The following LILRB4 variants were observed in gnomAD, a reference collection of about 807,000 sequenced individuals.
LILRB4 encodes leukocyte immunoglobulin like receptor B4, also known as leukocyte immunoglobulin-like receptor subfamily B member 4.
A neutral mutation model predicts 55.2 loss-of-function variants in LILRB4; 49 were observed. That is an observed-to-expected ratio of 0.89 (90% confidence interval 0.71 to 1.13). The LOEUF (loss-of-function observed/expected upper bound fraction) is 1.13. LILRB4 is among the 50% of genes most tolerant of loss of function. The probability of loss-of-function intolerance (pLI) is 0.00; values close to 1 mark genes in which losing one functional copy is unlikely to be tolerated. For missense variants in LILRB4, 590 were observed against 555.2 expected, an observed-to-expected ratio of 1.06 and a Z score of -0.63; for synonymous variants, 229 against 213.8, an observed-to-expected ratio of 1.07 and a Z score of -0.62.
chr19:54,665,164 G>A lies in LILRB4; in HGVS notation c.741G>A (p.Gly247=), dbSNP rs745574694. 1.5e-5 allele frequency: 24 copies of A among 1,603,528 alleles called. No homozygotes were observed. Among genetic ancestry groups the A allele is most frequent in the South Asian group, 1.0e-4 (9 of 89,836 alleles). ...AGGACCAGCCCCTCATGCCTACAGGGTCAGTCCCCCACAGTGGTGAGTGAG... is the reference window on the plus strand; with the variant it reads ...AGGACCAGCCCCTCATGCCTACAGGATCAGTCCCCCACAGTGGTGAGTGAG... The change falls in exon 6 of 12, where the codon GGG becomes GGA. Residue 247 remains glycine (G), a synonymous_variant. Coordinates refer to ENST00000430952, the Ensembl canonical transcript of LILRB4. This position sits in a 1 kb window ranked among gnomAD's most constrained non-coding sequence, Gnocchi z 5.5.
At chr19:54,664,799 G>A (rs267605672) in exon 5 of LILRB4, 3 of 1,585,338 alleles carry the variant, frequency 1.9e-6, no homozygotes, top group Non-Finnish European at 2.6e-6. Flanking sequence ...TTCTACCCAG[G>A]ATCCTTGGAG....
At chr19:54,667,980 A>C (rs1321991794) in exon 12 of LILRB4, 1 of 1,614,006 alleles carries the variant, frequency 6.2e-7, no homozygotes, top group African/African-American at 1.3e-5. Flanking sequence ...GGGCCTCTCC[A>C]GCTGAGCCCA....
In LILRB4 at chr19:54,666,901, A is replaced by G. The variant is rs2065297028; in HGVS notation, c.1041+152A>G. 1.3e-5 allele frequency: 11 copies of G among 835,346 alleles called. No individual in the cohort carries two copies. The highest frequency in any genetic ancestry group is 2.3e-5 in the Non-Finnish European group (11 of 474,582). 51.7% of individuals were successfully genotyped at this position (835,346 alleles called of 1,614,324 possible). On this transcript the variant is annotated intron_variant, in intron 10 of 11. Transcript: ENST00000430952. This position sits in a 1 kb window ranked among gnomAD's most constrained non-coding sequence, Gnocchi z 4.8. ...GCTGCCTCCTGCCTGCTGGGACCTC[A>G]CTCTCTCCTGCTGTCCTGGGACCTC...
rs761703031 is a variant in LILRB4, at chr19:54,664,168, T to C, written c.356-18T>C. The C allele has an allele frequency of 6.2e-7, 1 of 1,604,468 alleles. No homozygotes were observed. The highest frequency in any genetic ancestry group is 1.1e-5 in the South Asian group (1 of 89,810). On this transcript the variant is annotated intron_variant, in intron 3 of 11. Coordinates refer to ENST00000430952, the Ensembl canonical transcript of LILRB4. ...GAGGTGGGAGCCCCATTTAACACGG[T>C]GCCTCCTTCTCTCCTAGGAGCCTAC...
intron 10 of LILRB4, chr19:54,667,420 G>A: frequency 9.9e-7 from 1 of 1,014,496 alleles, no homozygotes; most frequent in Non-Finnish European, 1.4e-6. Context: ...TTGCAGGAAG[G>A]CCGCGTGAGG....
At position 54,666,621 on chromosome 19, in the gene LILRB4, C is replaced by G; in HGVS notation, c.989-76C>G. ...TGCGTTGCAGTGGCACTAATGGGAA[C>G]AGGGCAGGGACCAGCAGGAATGAGA... On this transcript the variant is annotated intron_variant, in intron 9 of 11. Coordinates refer to ENST00000430952, the Ensembl canonical transcript of LILRB4. This position sits in a 1 kb window ranked among gnomAD's most constrained non-coding sequence, Gnocchi z 4.8. The G allele has an allele frequency of 6.5e-7, 1 of 1,527,092 alleles. No homozygotes were observed. The highest frequency in any genetic ancestry group is 9.0e-7 in the Non-Finnish European group (1 of 1,108,826). 94.6% of individuals were successfully genotyped at this position (1,527,092 alleles called of 1,614,324 possible). A position where few individuals can be genotyped will look rare whatever the true frequency, so the allele number is the denominator to read the frequency against.
At chr19:54,663,103 T>C (rs926382239) in intron 1 of LILRB4, 36 bp downstream of exon 1, 1 of 1,594,104 alleles carries the variant, frequency 6.3e-7, no homozygotes, top group Non-Finnish European at 8.6e-7. Flanking sequence ...GACCCGAGTC[T>C]TGGAGGAAAT....
upstream of LILRB4, chr19:54,662,990 G>GT (rs2065068769): frequency 1.2e-6 from 2 of 1,613,920 alleles, no homozygotes; most frequent in South Asian, 2.2e-5. Flanking sequence ...CCGGCACTGA[G>GT]GACTCATCCA....
Position 54,666,705 on chromosome 19 carries a change from G to C in LILRB4, c.997G>C (p.Val333Leu), listed in dbSNP as rs532643436. ...TTGCTCTACCCCAGCAGGTGCTGCC[G>C]TGAAGAACACACAGCCTGAGGACGG... The change falls in exon 10 of 12, where the codon GTG becomes CTG. Residue 333 changes from valine (V) to leucine (L), a missense_variant. Val to Leu is a conservative substitution (Grantham distance 32). Transcript: ENST00000430952. The surrounding 1 kb of genome is among the most constrained non-coding windows in gnomAD (Gnocchi z 4.8). 3.1e-6 allele frequency: 5 copies of C among 1,614,050 alleles called. No individual in the cohort carries two copies. Among genetic ancestry groups the C allele is most frequent in the Admixed American group, 3.3e-5 (2 of 60,010 alleles).
chr19:54,663,299 A>T (rs568731543), intron 1 of LILRB4, among the ~76,000 whole-genome samples: 155 of 151,834 alleles, frequency 1.0e-3, no homozygotes, highest in Non-Finnish European at 1.4e-3. Context: ...ACAAAAAATT[A>T]GCCGGGGGTG....
downstream of LILRB4, chr19:54,668,452 G>T: frequency 5.7e-6 from 1 of 174,608 alleles, no homozygotes; most frequent in Non-Finnish European, 1.2e-5. Flanking sequence ...TGAAAAAAGA[G>T]CAGGCATCCA....
chr19:54,666,832 C>T lies in LILRB4; in HGVS notation c.1041+83C>T, dbSNP rs1599931649. The T allele has an allele frequency of 7.4e-7, 1 of 1,349,950 alleles. No individual in the cohort carries two copies. The highest frequency in any genetic ancestry group is 1.1e-6 in the Non-Finnish European group (1 of 940,232). 83.6% of individuals were successfully genotyped at this position (1,349,950 alleles called of 1,614,324 possible). ...GCAGGACTTCTCTGTCCTCCTTCCC[C>T]CGGCTCTCAGCATCGTCACGGTGGA... On this transcript the variant is annotated intron_variant, in intron 10 of 11. Transcript: ENST00000430952. This position sits in a 1 kb window ranked among gnomAD's most constrained non-coding sequence, Gnocchi z 4.8.
chr19:54,666,661 TTC>T lies in LILRB4; in HGVS notation c.989-35_989-34del. On this transcript the variant is annotated intron_variant, in intron 9 of 11. Transcript: ENST00000430952. The surrounding 1 kb of genome is among the most constrained non-coding windows in gnomAD (Gnocchi z 4.8). ...CAGGAATGAGAGGTCCCAGGGAACC[TTC>T]CCAGGAGATGAACCCCTTGCTCTAC... 6.2e-7 allele frequency: 1 copy of T among 1,609,038 alleles called. No individual in the cohort carries two copies. The highest frequency in any genetic ancestry group is 8.5e-7 in the Non-Finnish European group (1 of 1,176,138).
chr19:54,664,479 G>A (rs942561427), exon 4 of LILRB4: 1 of 1,600,542 alleles, frequency 6.2e-7, no homozygotes, highest in Non-Finnish European at 8.5e-7. Context: ...GGAGCTCATA[G>A]TCTCAGGTGA....
intron 2 of LILRB4, 42 bp from the exon 3 acceptor site, chr19:54,663,712 G>A: frequency 1.2e-6 from 2 of 1,611,062 alleles, no homozygotes; most frequent in South Asian, 2.2e-5. Context: ...GGATCTGAGG[G>A]CTGAGGAAGG....
exon 12 of LILRB4, chr19:54,668,227 T>C: frequency 5.2e-6 from 3 of 573,980 alleles, no homozygotes; most frequent in Non-Finnish European, 9.1e-6. Context: ...GACCTCTCAA[T>C]TCACAATGAG....
rs992258710 is a variant in LILRB4, at chr19:54,666,367, C to CTG, written c.951-30_951-29dup. On this transcript the variant is annotated intron_variant, in intron 8 of 11. Transcript: ENST00000430952. The surrounding 1 kb of genome is among the most constrained non-coding windows in gnomAD (Gnocchi z 4.8). ...CCCACCCATCCCAACAGCCACCTCACTGTCCCCTTACACTCCCGTATCCTC... is the reference window on the plus strand; with the variant it reads ...CCCACCCATCCCAACAGCCACCTCACTGTGTCCCCTTACACTCCCGTATCCTC... 6 of 1,612,748 alleles carry CTG rather than the reference C, an allele frequency of 3.7e-6. No homozygotes were observed. Among genetic ancestry groups the CTG allele is most frequent in the Non-Finnish European group, 5.1e-6 (6 of 1,179,278 alleles).
intron 4 of LILRB4, 151 bp downstream of exon 4, chr19:54,664,636 G>A: frequency 2.9e-6 from 3 of 1,022,122 alleles, no homozygotes; most frequent in Non-Finnish European, 4.3e-6. Context: ...GCCCTCCCAG[G>A]CATGCCCATG....
At position 54,664,458 on chromosome 19, in the gene LILRB4, AG is replaced by A; in HGVS notation, c.629del (p.Ser210MetfsTer7). On this transcript the variant is annotated frameshift_variant, in exon 4 of 12. Transcript: ENST00000430952. LOFTEE classifies it high-confidence loss of function. ...CTCCCACTACCTGCTGTCACACCCCAGTGACCCCCTGGAGCTCATAGTCTCA... is the reference window on the plus strand; with the variant it reads ...CTCCCACTACCTGCTGTCACACCCCATGACCCCCTGGAGCTCATAGTCTCA... 1 of 1,610,200 alleles carries A rather than the reference AG, an allele frequency of 6.2e-7. No homozygotes were observed. The highest frequency in any genetic ancestry group is 8.5e-7 in the Non-Finnish European group (1 of 1,177,700).
Sources: gnomAD v4.1 joint callset for allele counts (sites outside exome capture counted in the v4.1 genomes callset) on GRCh38, gnomAD v4.1.1 for gene constraint, Gnocchi (gnomAD v3.1) non-coding constraint, MANE v1.5 for transcripts, NCBI Gene and HGNC (gene_info 2026-07-23, HGNC 2026-07-21) for gene names.